RNGTT: variants seen among roughly 807,000 people sequenced by gnomAD.
RNGTT encodes the protein mRNA-capping enzyme.
A neutral mutation model predicts 79.3 loss-of-function variants in RNGTT; 33 were observed. The ratio of observed to expected loss-of-function variants is 0.42; its 90% CI spans 0.32 to 0.56. The LOEUF is 0.56. Among genes scored for constraint, RNGTT ranks in the 20% least tolerant of loss-of-function variants. RNGTT has a pLI of 0.17. For synonymous variants in RNGTT, 222 were observed against 235.9 expected (o/e 0.94, Z 0.54); for missense variants, 497 against 739.1 (o/e 0.67, Z 3.80).
chr6:88,670,447 A>C (rs1420751934), intron 14 of RNGTT, among the ~76,000 whole-genome samples: 1 of 152,184 alleles, frequency 6.6e-6, no homozygotes, highest in African/African-American at 2.4e-5. Flanking sequence ...AGACCTAGAT[A>C]GTGAGGATGA....
At chr6:88,642,946 C>T (rs916617403) in intron 14 of RNGTT, among the ~76,000 whole-genome samples, 2 of 152,138 alleles carry the variant, frequency 1.3e-5, no homozygotes, top group Non-Finnish European at 2.9e-5. Context: ...AAATGTCTAA[C>T]CTTGAAAATA....
At chr6:88,718,827 G>A (rs1776610895) in intron 13 of RNGTT, among the ~76,000 whole-genome samples, 1 of 152,060 alleles carries the variant, frequency 6.6e-6, no homozygotes, top group Non-Finnish European at 1.5e-5. Context: ...GATTATATGA[G>A]GAAAACCTTT....
chr6:88,684,950 C>T (rs1775222762), intron 13 of RNGTT, among the ~76,000 whole-genome samples: 1 of 152,050 alleles, frequency 6.6e-6, no homozygotes, highest in Non-Finnish European at 1.5e-5. Context: ...TCTAAAAGAT[C>T]AAGTCTATTT....
At chr6:88,738,295 T>C (rs1044305621) in intron 13 of RNGTT, among the ~76,000 whole-genome samples, 9 of 152,176 alleles carry the variant, frequency 5.9e-5, no homozygotes, top group African/African-American at 2.2e-4. Flanking sequence ...GCGGAAAGTA[T>C]GAGAAAATGT....
intron 13 of RNGTT, among the ~76,000 whole-genome samples, chr6:88,766,782 T>C (rs1384152306): frequency 6.6e-6 from 1 of 152,114 alleles, no homozygotes; most frequent in Non-Finnish European, 1.5e-5. Context: ...ATTATTTATA[T>C]TATACCTTCA....
At chr6:88,914,007 C>A (rs575707457) in intron 4 of RNGTT, among the ~76,000 whole-genome samples, 2 of 152,108 alleles carry the variant, frequency 1.3e-5, no homozygotes, top group Admixed American at 1.3e-4. Flanking sequence ...ACCTGAGAGC[C>A]AAATGAAAAA....
chr6:88,777,060 T>C (rs927061293), intron 12 of RNGTT, among the ~76,000 whole-genome samples: 2 of 152,202 alleles, frequency 1.3e-5, no homozygotes, highest in Non-Finnish European at 2.9e-5. Context: ...CATTCTTTTG[T>C]ATATGGATAT....
At chr6:88,772,943 C>T (rs1055116148) in intron 12 of RNGTT, among the ~76,000 whole-genome samples, 20 of 151,712 alleles carry the variant, frequency 1.3e-4, no homozygotes, top group African/African-American at 4.6e-4. Context: ...CTAGAAATAC[C>T]ATTTGACCCA....
At chr6:88,697,487 C>T (rs2127798978) in intron 13 of RNGTT, among the ~76,000 whole-genome samples, 1 of 151,742 alleles carries the variant, frequency 6.6e-6, no homozygotes, top group East Asian at 1.9e-4. Context: ...GGAGGCGGAG[C>T]TTGTAGTGAG....
chr6:88,836,964 G>T (rs1423703256), intron 11 of RNGTT, among the ~76,000 whole-genome samples: 1 of 152,114 alleles, frequency 6.6e-6, no homozygotes, highest in Non-Finnish European at 1.5e-5. Flanking sequence ...CAAAGGGAGA[G>T]AAAAATTTAA....
rs371363352 is a variant in RNGTT, at chr6:88,764,619, CTTAT to C, written c.1439+5151_1439+5154del. ...TATTATACACATACTTTTACATATTCTTATTTGTTTGTATATACATTCCATCACT... is the reference window on the plus strand; with the variant it reads ...TATTATACACATACTTTTACATATTCTTGTTTGTATATACATTCCATCACT... On this transcript the variant is annotated intron_variant, in intron 13 of 15. Coordinates refer to ENST00000369485, the MANE Select transcript of RNGTT (RefSeq NM_003800.5). Among the ~76,000 whole-genome samples, 679 of 150,752 alleles carry C rather than the reference CTTAT, an allele frequency of 4.5e-3. 2 individuals carry two copies. The highest frequency in any genetic ancestry group is 0.016 in the African/African-American group (642 of 40,180).
chr6:88,723,384 GC>G (rs976867771), intron 13 of RNGTT, among the ~76,000 whole-genome samples: 1 of 152,130 alleles, frequency 6.6e-6, no homozygotes, highest in African/African-American at 2.4e-5. Flanking sequence ...GACCCATGCA[GC>G]CCCCTCAGTA....
At chr6:88,779,015 A>C (rs1294239251) in intron 12 of RNGTT, among the ~76,000 whole-genome samples, 1 of 152,228 alleles carries the variant, frequency 6.6e-6, no homozygotes, top group Non-Finnish European at 1.5e-5. Context: ...TTGAAACTGC[A>C]ACATTTTCCC....
At chr6:88,691,708 T>C (rs1382700546) in intron 13 of RNGTT, among the ~76,000 whole-genome samples, 2 of 152,192 alleles carry the variant, frequency 1.3e-5, no homozygotes, top group Admixed American at 6.5e-5. Context: ...TTAAGCTGTA[T>C]ATTTATGTTT....
chr6:88,819,115 A>G (rs1337003406), intron 11 of RNGTT, among the ~76,000 whole-genome samples: 2 of 152,182 alleles, frequency 1.3e-5, no homozygotes, highest in African/African-American at 4.8e-5. Flanking sequence ...TATGAGACCT[A>G]GAAAAAATTA....
chr6:88,702,269 A>G (rs1775973243), intron 13 of RNGTT, among the ~76,000 whole-genome samples: 1 of 152,164 alleles, frequency 6.6e-6, no homozygotes, highest in Non-Finnish European at 1.5e-5. Context: ...AATCCTAGGC[A>G]AAAGAACAAA....
rs187701643 is a variant in RNGTT, at chr6:88,763,834, A to C, written c.1439+5940T>G. ...CTTGCACTATCAGTGGATACTAAAA[A>C]GGACGTTACAAAGATTAACAATCAC... On this transcript the variant is annotated intron_variant, in intron 13 of 15. Coordinates refer to ENST00000369485, the MANE Select transcript of RNGTT (RefSeq NM_003800.5). Among the ~76,000 whole-genome samples, 604 of 152,346 alleles carry C rather than the reference A, an allele frequency of 4.0e-3. 3 individuals carry two copies. The highest frequency in any genetic ancestry group is 6.4e-3 in the Non-Finnish European group (435 of 68,036).
At chr6:88,839,812 T>C (rs769853090) in intron 11 of RNGTT, among the ~76,000 whole-genome samples, 3 of 152,186 alleles carry the variant, frequency 2.0e-5, no homozygotes, top group Non-Finnish European at 4.4e-5. Flanking sequence ...ACTGGAAATG[T>C]AAATAGAATC....
At chr6:88,754,310 C>T (rs1023026372) in intron 13 of RNGTT, among the ~76,000 whole-genome samples, 1 of 152,158 alleles carries the variant, frequency 6.6e-6, no homozygotes, top group East Asian at 1.9e-4. Flanking sequence ...CCACTGAAAT[C>T]TAAAAACCCT....
Sources: gnomAD v4.1 joint callset for allele counts (sites outside exome capture counted in the v4.1 genomes callset) on GRCh38, gnomAD v4.1.1 for gene constraint, MANE v1.5 for transcripts, NCBI Gene and HGNC (gene_info 2026-07-23, HGNC 2026-07-21) for gene names.